GRIK2: variants seen among roughly 807,000 people sequenced by gnomAD.
GRIK2 encodes glutamate receptor ionotropic, kainate 2.
GRIK2 carries 32 observed loss-of-function variants against 100.3 expected under a neutral mutation model. The ratio of observed to expected loss-of-function variants is 0.32; its 90% CI spans 0.24 to 0.43. GRIK2 has a LOEUF of 0.43. Ranked by LOEUF, GRIK2 falls within the 20% of genes least tolerant of loss-of-function variation. The pLI is 1.00. For synonymous variants in GRIK2, 417 were observed against 389.4 expected (o/e 1.07, Z -0.83); for missense variants, 843 against 1,114.9 (o/e 0.76, Z 3.47).
chr6:101,614,197 GTTAAT>G (rs1779799756), intron 2 of GRIK2, among the ~76,000 whole-genome samples: 1 of 151,670 alleles, frequency 6.6e-6, no homozygotes. Context: ...ATATTTGCAG[GTTAAT>G]TTAATGGTCA....
chr6:101,629,825 G>T (rs772377726), intron 4 of GRIK2, among the ~76,000 whole-genome samples: 1 of 151,930 alleles, frequency 6.6e-6, no homozygotes, highest in Non-Finnish European at 1.5e-5. Context: ...CCAATGAACA[G>T]GGTATCCAAT....
intron 10 of GRIK2, among the ~76,000 whole-genome samples, chr6:101,819,685 A>G (rs1000327850): frequency 1.3e-5 from 2 of 152,204 alleles, no homozygotes; most frequent in South Asian, 2.1e-4. Context: ...CCTCTTTCTG[A>G]TCTACATGCC....
At chr6:101,839,309 G>T (rs751272171) in intron 10 of GRIK2, among the ~76,000 whole-genome samples, 2 of 152,132 alleles carry the variant, frequency 1.3e-5, no homozygotes, top group Admixed American at 6.6e-5. Context: ...AGTCTATTAG[G>T]TGAAGAAGGA....
chr6:101,719,178 A>G (rs1439972272), intron 7 of GRIK2, among the ~76,000 whole-genome samples: 2 of 51,312 alleles, frequency 3.9e-5, no homozygotes, highest in African/African-American at 1.2e-4. Context: ...TTTTTTTTTG[A>G]TGAATACATA....
At chr6:101,822,267 G>A (rs1048661249) in intron 10 of GRIK2, among the ~76,000 whole-genome samples, 4 of 148,224 alleles carry the variant, frequency 2.7e-5, no homozygotes, top group Non-Finnish European at 5.9e-5. Context: ...TTATAATTAA[G>A]ATATAAAAGA....
chr6:101,572,282 A>G (rs753697844), intron 2 of GRIK2, among the ~76,000 whole-genome samples: 19 of 152,020 alleles, frequency 1.2e-4, no homozygotes, highest in Non-Finnish European at 2.5e-4. Flanking sequence ...CTTAACGGGT[A>G]CTTTTATTTT....
intron 4 of GRIK2, among the ~76,000 whole-genome samples, chr6:101,630,835 A>G (rs1780702968): frequency 6.6e-6 from 1 of 151,446 alleles, no homozygotes; most frequent in Non-Finnish European, 1.5e-5. Context: ...TTTACTGCAA[A>G]ACACACATGT....
chr6:101,960,777 C>G (rs1008380344), intron 14 of GRIK2, among the ~76,000 whole-genome samples: 10 of 152,160 alleles, frequency 6.6e-5, no homozygotes, highest in Admixed American at 6.5e-4. Context: ...GCTCTTCTGA[C>G]AGAAGATTTT....
chr6:101,563,054 C>A (rs1278667312), intron 2 of GRIK2, among the ~76,000 whole-genome samples: 1 of 152,124 alleles, frequency 6.6e-6, no homozygotes, highest in Non-Finnish European at 1.5e-5. Flanking sequence ...CTGCTCCTAC[C>A]AGCTTTTTGA....
In GRIK2 at chr6:101,786,262, CTT is replaced by C. The variant is rs35437235; in HGVS notation, c.952-13376_952-13375del. 8.1e-4 allele frequency among the ~76,000 whole-genome samples: 120 copies of C among 147,718 alleles called. 1 individual carries two copies. The highest frequency in any genetic ancestry group is 3.5e-3 in the Middle Eastern group (1 of 284). The stretch of plus-strand genomic sequence containing the variant: ...GTCACCTGCAAAAGGGACAATTTGA[CTT>C]TTTTTTTTTCCAGTTTCAGTGTCCT... On this transcript the variant is annotated intron_variant, in intron 7 of 16. Transcript: ENST00000369134.
At chr6:102,027,484 G>A (rs970686133) in intron 14 of GRIK2, among the ~76,000 whole-genome samples, 1 of 151,114 alleles carries the variant, frequency 6.6e-6, no homozygotes, top group Non-Finnish European at 1.5e-5. Flanking sequence ...AGGTGTCTGA[G>A]CTGAAGTCAA....
chr6:101,421,853 CA>C (rs1776429330), intron 2 of GRIK2, among the ~76,000 whole-genome samples: 1 of 152,112 alleles, frequency 6.6e-6, no homozygotes, highest in Non-Finnish European at 1.5e-5. Flanking sequence ...CATCAAATCT[CA>C]CTTGAATTTC....
Position 101,409,441 on chromosome 6 carries a change from T to C in GRIK2, c.115+10049T>C, listed in dbSNP as rs76393521. 6.6e-3 allele frequency among the ~76,000 whole-genome samples: 1,004 copies of C among 152,246 alleles called. 26 individuals are homozygous for C. Among genetic ancestry groups the C allele is most frequent in the East Asian group, 0.062 (320 of 5,182 alleles). On this transcript the variant is annotated intron_variant, in intron 2 of 16. Coordinates refer to ENST00000369134, the MANE Select transcript of GRIK2 (RefSeq NM_021956.5). ...TCCTGTTGTTAAGCACTCATGAATG[T>C]ATATACATAATATGTCTATCAATTA...
intron 8 of GRIK2, 68 bp from the exon 9 acceptor site, chr6:101,802,263 T>A: frequency 1.8e-6 from 1 of 562,186 alleles, no homozygotes; most frequent in Admixed American, 3.0e-5. Context: ...AGTTTCCTAC[T>A]TTTGTGAAAA....
intron 2 of GRIK2, among the ~76,000 whole-genome samples, chr6:101,541,781 A>C (rs377212210): frequency 4.6e-5 from 7 of 152,054 alleles, no homozygotes; most frequent in Non-Finnish European, 1.0e-4. Context: ...ATTAAAACAC[A>C]TGCCAGCCAC....
At chr6:101,870,620 CT>C (rs148159726) in intron 11 of GRIK2, among the ~76,000 whole-genome samples, 2 of 151,634 alleles carry the variant, frequency 1.3e-5, no homozygotes, top group East Asian at 1.9e-4. Context: ...TCCACCTACC[CT>C]TTTTTTCTTT....
intron 14 of GRIK2, among the ~76,000 whole-genome samples, chr6:101,975,422 A>G (rs1056757628): frequency 2.0e-5 from 3 of 151,962 alleles, no homozygotes; most frequent in Non-Finnish European, 2.9e-5. Context: ...AGCCAAATAC[A>G]TAGGTAATGT....
At chr6:101,731,725 T>C (rs1436818719) in intron 7 of GRIK2, among the ~76,000 whole-genome samples, 1 of 151,932 alleles carries the variant, frequency 6.6e-6, no homozygotes, top group Non-Finnish European at 1.5e-5. Flanking sequence ...ATGTATAGAC[T>C]AGGAATATGC....
intron 10 of GRIK2, among the ~76,000 whole-genome samples, chr6:101,856,794 G>C (rs961507242): frequency 6.6e-6 from 1 of 152,092 alleles, no homozygotes; most frequent in South Asian, 2.1e-4. Context: ...ACAAATGCAG[G>C]CTGCAGTTTT....
Sources: gnomAD v4.1 joint callset for allele counts (sites outside exome capture counted in the v4.1 genomes callset) on GRCh38, gnomAD v4.1.1 for gene constraint, MANE v1.5 for transcripts, NCBI Gene and HGNC (gene_info 2026-07-23, HGNC 2026-07-21) for gene names.